The following DAB1 variants were observed in gnomAD, a reference collection of about 807,000 sequenced individuals.
DAB1 encodes DAB adaptor protein 1, also known as disabled homolog 1.
In DAB1, 15 loss-of-function variants were observed where a neutral mutation model predicts 64.6. The ratio of observed to expected loss-of-function variants is 0.23; its 90% CI spans 0.16 to 0.36. The LOEUF is 0.36. DAB1 is among the 10% of genes least tolerant of loss of function. The probability of loss-of-function intolerance (pLI) is 1.00; values close to 1 mark genes in which losing one functional copy is unlikely to be tolerated. For missense variants in DAB1, 596 were observed against 706.7 expected (o/e 0.84, Z 1.78); for synonymous variants, 235 against 251.9 (o/e 0.93, Z 0.64).
chr1:57,514,238 T>G (rs1644438276), intron 7 of DAB1, among the ~76,000 whole-genome samples: 3 of 152,218 alleles, frequency 2.0e-5, no homozygotes. Context: ...TAGTTCAATT[T>G]GTAATCTTTT....
intron 4 of DAB1, among the ~76,000 whole-genome samples, chr1:58,276,716 C>A (rs1309210562): frequency 3.3e-5 from 5 of 152,180 alleles, no homozygotes; most frequent in Admixed American, 6.5e-5. Context: ...ACCATCATGT[C>A]TCAATGACTT....
chr1:57,746,483 G>A (rs1363112720), intron 6 of DAB1, among the ~76,000 whole-genome samples: 2 of 151,978 alleles, frequency 1.3e-5, no homozygotes, highest in African/African-American at 4.8e-5. Flanking sequence ...ATGTTTATCT[G>A]CACTTAAGAT....
chr1:58,136,043 C>A (rs1288077464), intron 5 of DAB1, among the ~76,000 whole-genome samples: 1 of 152,036 alleles, frequency 6.6e-6, no homozygotes, highest in Non-Finnish European at 1.5e-5. Context: ...ATCGCTGCAA[C>A]AAAGTGTTTG....
chr1:57,747,217 C>T (rs1648319907), intron 6 of DAB1, among the ~76,000 whole-genome samples: 1 of 152,158 alleles, frequency 6.6e-6, no homozygotes, highest in African/African-American at 2.4e-5. Context: ...TACATATTCG[C>T]CCCTTCTTGC....
At chr1:57,083,320 A>T (rs542750538) in intron 4 of DAB1, among the ~76,000 whole-genome samples, 85 of 152,304 alleles carry the variant, frequency 5.6e-4, no homozygotes, top group African/African-American at 2.0e-3. Context: ...TTTCAAATGT[A>T]CTTTAATGGC....
At chr1:58,499,724 T>C (rs770475809) in intron 3 of DAB1, among the ~76,000 whole-genome samples, 4 of 152,054 alleles carry the variant, frequency 2.6e-5, no homozygotes, top group African/African-American at 4.8e-5. Flanking sequence ...TTACACAATG[T>C]ATACAGATAT....
rs542384595 is a variant in DAB1 at position 57,763,951 on chromosome 1, T to C, written n.552-114286A>G. ...GTGGATATTGCCACACAACTACAAA[T>C]AGTTTGTCTATCAGGTAAGTAGATA... On this transcript the variant is annotated intron_variant and non_coding_transcript_variant, in intron 6 of 20. Transcript: ENST00000485760. Among the ~76,000 whole-genome samples the C allele has an allele frequency of 9.2e-5, 14 of 152,318 alleles. No individual in the cohort carries two copies. In the East Asian group the frequency reaches 9.6e-4, roughly 10 times the overall value.
At chr1:58,009,785 A>G (rs1410624943) in intron 5 of DAB1, among the ~76,000 whole-genome samples, 1 of 152,088 alleles carries the variant, frequency 6.6e-6, no homozygotes, top group Non-Finnish European at 1.5e-5. Flanking sequence ...CTTTCCTTAT[A>G]TGATATTTCC....
At chr1:57,172,910 T>C (rs927150982) in intron 2 of DAB1, among the ~76,000 whole-genome samples, 1 of 152,136 alleles carries the variant, frequency 6.6e-6, no homozygotes, top group Non-Finnish European at 1.5e-5. Flanking sequence ...AGCTAACATT[T>C]CAGCCTGTAT....
chr1:56,999,835 G>A (rs757421842), intron 14 of DAB1, among the ~76,000 whole-genome samples: 41 of 152,130 alleles, frequency 2.7e-4, no homozygotes, highest in Non-Finnish European at 4.9e-4. Flanking sequence ...CCAGTGGGAA[G>A]GAACTTCTTT....
chr1:57,479,372 C>A (rs188245449), intron 7 of DAB1, among the ~76,000 whole-genome samples: 1 of 151,096 alleles, frequency 6.6e-6, no homozygotes, highest in East Asian at 1.9e-4. Context: ...GACCTTGGAT[C>A]TAGGTGAGGA....
intron 7 of DAB1, among the ~76,000 whole-genome samples, chr1:57,625,912 G>T (rs899475299): frequency 6.6e-6 from 1 of 152,008 alleles, no homozygotes; most frequent in Non-Finnish European, 1.5e-5. Flanking sequence ...AAGCTGGGTC[G>T]AACCTTTATT....
chr1:58,389,438 A>C (rs903101273), intron 3 of DAB1, among the ~76,000 whole-genome samples: 2 of 152,114 alleles, frequency 1.3e-5, no homozygotes, highest in Non-Finnish European at 1.5e-5. Context: ...AACATATCTC[A>C]AAAAAGAACT....
chr1:57,895,321 A>G (rs1644377093), intron 5 of DAB1, among the ~76,000 whole-genome samples: 2 of 152,206 alleles, frequency 1.3e-5, no homozygotes, highest in Admixed American at 1.3e-4. Context: ...TGATAGATGA[A>G]GAAGCTGAGA....
At chr1:57,511,499 T>A (rs899188823) in intron 7 of DAB1, among the ~76,000 whole-genome samples, 9 of 152,248 alleles carry the variant, frequency 5.9e-5, no homozygotes, top group Non-Finnish European at 1.5e-5. Context: ...ATCTCCTCCA[T>A]AAATGCTCAA....
At chr1:57,588,877 G>A (rs1225078185) in intron 7 of DAB1, among the ~76,000 whole-genome samples, 1 of 152,206 alleles carries the variant, frequency 6.6e-6, no homozygotes, top group East Asian at 1.9e-4. Context: ...ATCATTGGTT[G>A]AGGGAAGATA....
chr1:57,978,034 T>G (rs1361939529), intron 5 of DAB1, among the ~76,000 whole-genome samples: 2 of 152,198 alleles, frequency 1.3e-5, no homozygotes, highest in Non-Finnish European at 2.9e-5. Context: ...AAGCTACCAC[T>G]GATTTTCTTC....
At chr1:57,818,646 A>G (rs1396696460) in intron 6 of DAB1, among the ~76,000 whole-genome samples, 1 of 151,814 alleles carries the variant, frequency 6.6e-6, no homozygotes, top group African/African-American at 2.4e-5. Flanking sequence ...ATTGCTCTTC[A>G]TTTTACAGCA....
intron 2 of DAB1, among the ~76,000 whole-genome samples, chr1:57,230,374 A>G (rs12071373): frequency 0.072 from 10,940 of 151,764 alleles, 1,327 homozygotes; most frequent in African/African-American, 0.25. Flanking sequence ...TTAAATGACA[A>G]GCTATCAAAC....
Sources: allele counts gnomAD v4.1 joint callset (sites outside exome capture counted in the v4.1 genomes callset), GRCh38; gene constraint gnomAD v4.1.1; transcripts MANE v1.5; gene names NCBI Gene and HGNC (gene_info 2026-07-23, HGNC 2026-07-21).